KCNN2: variants seen among roughly 807,000 people sequenced by gnomAD.
KCNN2 encodes small conductance calcium-activated potassium channel protein 2.
Under a neutral mutation model 55.5 loss-of-function variants are expected in KCNN2, and 24 were observed. That is an observed-to-expected ratio of 0.43 (90% CI 0.31 to 0.61). KCNN2 has a LOEUF of 0.61. Ranked by LOEUF, KCNN2 falls within the 20% of genes least tolerant of loss-of-function variation. The pLI, the probability that KCNN2 is intolerant of heterozygous loss-of-function variation, is 0.08. For synonymous variants in KCNN2, 431 were observed against 336.1 expected, an observed-to-expected ratio of 1.28 and a Z score of -3.09; for missense variants, 754 against 853.6, an observed-to-expected ratio of 0.88 and a Z score of 1.45.
At position 114,311,442 on chromosome 5, in the gene KCNN2, G is replaced by A. The variant is rs551233128; in HGVS notation, c.-184-49503G>A. On this transcript the variant is annotated intron_variant, in intron 2 of 10. Transcript: ENST00000512097. Reference sequence around the variant, plus strand: ...TATTCAGCAAACGGCTGCATTTGGCGACTTCCCCTTGGCAGAGTCTTTTTC... The same window carrying A: ...TATTCAGCAAACGGCTGCATTTGGCAACTTCCCCTTGGCAGAGTCTTTTTC... Among the ~76,000 whole-genome samples the A allele has an allele frequency of 9.2e-5, 14 of 152,208 alleles. No homozygotes were observed. In the South Asian group the frequency reaches 2.7e-3, roughly 29 times the overall value.
chr5:114,104,284 T>C (rs1221154860), intron 1 of KCNN2, among the ~76,000 whole-genome samples: 1 of 152,146 alleles, frequency 6.6e-6, no homozygotes, highest in Non-Finnish European at 1.5e-5. Flanking sequence ...CCCTTTATCA[T>C]TTTTTATTGT....
intron 2 of KCNN2, among the ~76,000 whole-genome samples, chr5:114,278,046 T>C (rs1310478259): frequency 2.6e-5 from 4 of 152,186 alleles, no homozygotes; most frequent in Non-Finnish European, 4.4e-5. Flanking sequence ...TTTTTGTTGA[T>C]GTTGATGATA....
chr5:114,421,663 G>T (rs1340416722), intron 3 of KCNN2, among the ~76,000 whole-genome samples: 1 of 151,924 alleles, frequency 6.6e-6, no homozygotes. Flanking sequence ...AGGCTGGAGT[G>T]CAATGGCATG....
At chr5:114,494,942 C>T (rs764676922) in intron 7 of KCNN2, among the ~76,000 whole-genome samples, 5 of 152,138 alleles carry the variant, frequency 3.3e-5, no homozygotes, top group Non-Finnish European at 5.9e-5. Flanking sequence ...GTAGGAGGGA[C>T]GGCTTAAATA....
intron 1 of KCNN2, among the ~76,000 whole-genome samples, chr5:114,131,544 G>C (rs999655478): frequency 6.6e-6 from 1 of 152,112 alleles, no homozygotes; most frequent in Non-Finnish European, 1.5e-5. Flanking sequence ...ATGGTTATTT[G>C]GATTGATTCC....
At chr5:114,136,809 T>C (rs929505062) in intron 1 of KCNN2, among the ~76,000 whole-genome samples, 1 of 152,204 alleles carries the variant, frequency 6.6e-6, no homozygotes, top group Non-Finnish European at 1.5e-5. Context: ...AGCACTTAAT[T>C]ATATTAAGTG....
intron 2 of KCNN2, among the ~76,000 whole-genome samples, chr5:114,380,899 C>T (rs1324369561): frequency 6.6e-6 from 1 of 152,166 alleles, no homozygotes; most frequent in Non-Finnish European, 1.5e-5. Context: ...TGGGGGCAGG[C>T]ATCATGTTTG....
At chr5:114,375,952 GTATA>G (rs6149186) in intron 2 of KCNN2, among the ~76,000 whole-genome samples, 30,127 of 104,708 alleles carry the variant, frequency 0.29, 4,467 homozygotes, top group South Asian at 0.42. Context: ...GACTCACAGT[GTATA>G]TATATATATA....
At chr5:114,193,626 T>C (rs1753493971) in intron 1 of KCNN2, among the ~76,000 whole-genome samples, 1 of 152,146 alleles carries the variant, frequency 6.6e-6, no homozygotes, top group Non-Finnish European at 1.5e-5. Context: ...GAAATTTGTG[T>C]CATTGATTTT....
chr5:114,114,324 G>A (rs553204272), intron 1 of KCNN2, among the ~76,000 whole-genome samples: 15 of 152,198 alleles, frequency 9.9e-5, no homozygotes, highest in African/African-American at 3.1e-4. Flanking sequence ...GAACTCCTGG[G>A]CTCAAGTGAT....
chr5:114,367,158 T>C (rs1259628266), intron 2 of KCNN2, among the ~76,000 whole-genome samples: 2 of 152,246 alleles, frequency 1.3e-5, no homozygotes, highest in Admixed American at 1.3e-4. Context: ...CAAAACAAGA[T>C]GGTTCAGGTG....
At chr5:114,151,580 G>A (rs559993099) in intron 1 of KCNN2, among the ~76,000 whole-genome samples, 3 of 152,238 alleles carry the variant, frequency 2.0e-5, no homozygotes, top group African/African-American at 7.2e-5. Flanking sequence ...TCAATGACCT[G>A]TTTTGATCAA....
chr5:114,385,662 C>T (rs1425570606), intron 2 of KCNN2, among the ~76,000 whole-genome samples: 2 of 152,060 alleles, frequency 1.3e-5, no homozygotes, highest in African/African-American at 2.4e-5. Context: ...CACCCAGGTG[C>T]CTTTGGGCTC....
intron 2 of KCNN2, among the ~76,000 whole-genome samples, chr5:114,399,208 G>A (rs1376130621): frequency 6.6e-6 from 1 of 152,092 alleles, no homozygotes; most frequent in Non-Finnish European, 1.5e-5. Flanking sequence ...TTATTTTAAA[G>A]TATGTTCCTT....
chr5:114,337,362 C>G (rs1056512941), intron 2 of KCNN2, among the ~76,000 whole-genome samples: 2 of 152,130 alleles, frequency 1.3e-5, no homozygotes, highest in Non-Finnish European at 2.9e-5. Context: ...AGAAGACATT[C>G]AAGTGGTGAT....
At chr5:114,198,410 A>G (rs925921902) in intron 1 of KCNN2, among the ~76,000 whole-genome samples, 2 of 149,710 alleles carry the variant, frequency 1.3e-5, no homozygotes, top group Admixed American at 6.7e-5. Context: ...ATATATATCC[A>G]TACATATACG....
intron 1 of KCNN2, among the ~76,000 whole-genome samples, chr5:114,363,528 G>A (rs1757510594): frequency 6.6e-6 from 1 of 152,200 alleles, no homozygotes. Context: ...TCTGGAAGTC[G>A]GTGGGGAAAC....
At chr5:114,210,007 C>T (rs936358214) in intron 1 of KCNN2, among the ~76,000 whole-genome samples, 2 of 152,092 alleles carry the variant, frequency 1.3e-5, no homozygotes, top group African/African-American at 2.4e-5. Context: ...GCCTCATGTG[C>T]GTGTTCCTAG....
intron 1 of KCNN2, among the ~76,000 whole-genome samples, chr5:114,129,578 T>C (rs1162794492): frequency 6.6e-6 from 1 of 152,188 alleles, no homozygotes; most frequent in African/African-American, 2.4e-5. Flanking sequence ...TCCCCTTAAC[T>C]CTTCTGTAAC....
Sources: gnomAD v4.1 joint callset for allele counts (sites outside exome capture counted in the v4.1 genomes callset) on GRCh38, gnomAD v4.1.1 for gene constraint, MANE v1.5 for transcripts, NCBI Gene and HGNC (gene_info 2026-07-23, HGNC 2026-07-21) for gene names.